SUPT3H: variants seen among roughly 807,000 people sequenced by gnomAD.
The protein encoded by SUPT3H is SPT3 homolog, SAGA and STAGA complex component, also known as transcription initiation protein SPT3 homolog.
In SUPT3H, 44 loss-of-function variants were observed where a neutral mutation model predicts 44.3. That is an observed-to-expected ratio of 0.99 (90% CI 0.78 to 1.28). SUPT3H has a LOEUF of 1.28. Among genes scored for constraint, SUPT3H ranks in the 50% most tolerant of loss-of-function variants. The pLI, the probability that SUPT3H is intolerant of heterozygous loss-of-function variation, is 0.00. For synonymous variants in SUPT3H, 124 were observed against 125.6 expected (o/e 0.99, Z 0.09); for missense variants, 380 against 387.1 (o/e 0.98, Z 0.15).
At chr6:45,297,428 T>A (rs1222585685) in intron 2 of SUPT3H, among the ~76,000 whole-genome samples, 1 of 152,206 alleles carries the variant, frequency 6.6e-6, no homozygotes, top group African/African-American at 2.4e-5. Flanking sequence ...TACTTCTAGA[T>A]AAAATAGTTG....
chr6:45,314,840 A>G (rs1335237471), intron 2 of SUPT3H, among the ~76,000 whole-genome samples: 4 of 152,200 alleles, frequency 2.6e-5, no homozygotes, highest in Admixed American at 1.3e-4. Context: ...AGCAAGGCTA[A>G]GCAAAAAGAA....
chr6:44,901,107 T>G (rs1365585661), intron 10 of SUPT3H, among the ~76,000 whole-genome samples: 1 of 151,890 alleles, frequency 6.6e-6, no homozygotes, highest in Non-Finnish European at 1.5e-5. Flanking sequence ...ACTCTAAAAA[T>G]CAGAGCACCT....
intron 2 of SUPT3H, among the ~76,000 whole-genome samples, chr6:45,228,720 C>G (rs924669238): frequency 6.6e-5 from 10 of 152,176 alleles, no homozygotes; most frequent in African/African-American, 2.2e-4. Context: ...ACAGTCTCGG[C>G]TCACTACAGC....
chr6:45,068,083 ACTGG>A (rs1793706818), intron 3 of SUPT3H, among the ~76,000 whole-genome samples: 1 of 142,794 alleles, frequency 7.0e-6, no homozygotes, highest in Admixed American at 7.1e-5. Flanking sequence ...ACAATGATAG[ACTGG>A]ATTAAGAAAA....
chr6:44,842,456 A>G (rs1302618713), intron 10 of SUPT3H, among the ~76,000 whole-genome samples: 2 of 152,134 alleles, frequency 1.3e-5, no homozygotes, highest in Non-Finnish European at 2.9e-5. Flanking sequence ...CTACAAAAAC[A>G]GGTAAGTGGT....
chr6:44,942,336 C>T (rs573317213), intron 9 of SUPT3H, among the ~76,000 whole-genome samples: 1 of 151,734 alleles, frequency 6.6e-6, no homozygotes, highest in Non-Finnish European at 1.5e-5. Flanking sequence ...GTAGACTGAT[C>T]AAAACCAGAC....
chr6:45,145,761 T>G (rs1004844675), intron 2 of SUPT3H, among the ~76,000 whole-genome samples: 6 of 152,030 alleles, frequency 3.9e-5, no homozygotes, highest in Admixed American at 2.6e-4. Context: ...TCACAAACTA[T>G]GTATCCAACA....
chr6:45,153,216 G>C (rs1431941038), intron 2 of SUPT3H, among the ~76,000 whole-genome samples: 1 of 152,122 alleles, frequency 6.6e-6, no homozygotes, highest in Admixed American at 6.6e-5. Context: ...ATAATATCAT[G>C]TATCTGTTTG....
Position 45,057,936 on chromosome 6 carries a change from A to C in SUPT3H, c.187-37304T>G, listed in dbSNP as rs188786396. On this transcript the variant is annotated intron_variant, in intron 3 of 10. Transcript: ENST00000371459. Reference sequence around the variant, plus strand: ...AAAGGCAGTTCCAGAGAGAACTAACATATCAATGTGACGGTTACTACGTGA... The same window carrying C: ...AAAGGCAGTTCCAGAGAGAACTAACCTATCAATGTGACGGTTACTACGTGA... 1.5e-3 allele frequency among the ~76,000 whole-genome samples: 232 copies of C among 152,290 alleles called. 1 individual carries two copies. The highest frequency in any genetic ancestry group is 2.5e-3 in the Non-Finnish European group (172 of 68,006).
At chr6:44,901,337 T>C (rs921529132) in intron 10 of SUPT3H, among the ~76,000 whole-genome samples, 2 of 152,040 alleles carry the variant, frequency 1.3e-5, no homozygotes, top group Non-Finnish European at 2.9e-5. Flanking sequence ...AAGGACCTGA[T>C]GGAGCTGAAA....
At chr6:45,285,431 C>T (rs1779054040) in intron 2 of SUPT3H, among the ~76,000 whole-genome samples, 1 of 152,156 alleles carries the variant, frequency 6.6e-6, no homozygotes, top group South Asian at 2.1e-4. Context: ...AAATCACAAG[C>T]ATTCTTATAC....
intron 10 of SUPT3H, among the ~76,000 whole-genome samples, chr6:44,895,254 GTTTTTTT>G (rs60637782): frequency 8.4e-6 from 1 of 119,336 alleles, no homozygotes; most frequent in Non-Finnish European, 1.8e-5. Context: ...ACTTAGTCTT[GTTTTTTT>G]TTTTTTTTTT....
chr6:44,865,914 A>G (rs1421583382), intron 10 of SUPT3H, among the ~76,000 whole-genome samples: 2 of 152,212 alleles, frequency 1.3e-5, no homozygotes, highest in Non-Finnish European at 2.9e-5. Flanking sequence ...GGGAGACCTG[A>G]GTCTGCTAAA....
At chr6:45,254,564 T>G (rs1773010264) in intron 2 of SUPT3H, among the ~76,000 whole-genome samples, 1 of 152,220 alleles carries the variant, frequency 6.6e-6, no homozygotes, top group Admixed American at 6.5e-5. Flanking sequence ...TTTATTGTTC[T>G]GATAAGGAAT....
chr6:45,244,557 G>A (rs923626759), intron 2 of SUPT3H, among the ~76,000 whole-genome samples: 3 of 152,088 alleles, frequency 2.0e-5, no homozygotes, highest in Admixed American at 6.5e-5. Flanking sequence ...AACTGGTGCT[G>A]TCCACACAAT....
At chr6:45,178,810 T>C (rs1483599901) in intron 2 of SUPT3H, among the ~76,000 whole-genome samples, 6 of 152,076 alleles carry the variant, frequency 3.9e-5, no homozygotes, top group African/African-American at 1.4e-4. Flanking sequence ...TGCTCCTGAA[T>C]GACTACTGGG....
chr6:45,018,893 T>C (rs948799212), intron 4 of SUPT3H, among the ~76,000 whole-genome samples: 2 of 152,048 alleles, frequency 1.3e-5, no homozygotes, highest in African/African-American at 4.8e-5. Context: ...CCTCTTTTTC[T>C]ATTGATTGGA....
At chr6:45,184,105 G>T (rs1813754395) in intron 2 of SUPT3H, among the ~76,000 whole-genome samples, 1 of 152,086 alleles carries the variant, frequency 6.6e-6, no homozygotes, top group South Asian at 2.1e-4. Context: ...TTAATAAGTG[G>T]GGGAAGGAGA....
Position 45,105,927 on chromosome 6 carries a change from T to C in SUPT3H, c.181A>G (p.Asn61Asp). The C allele has an allele frequency of 6.2e-7, 1 of 1,612,498 alleles. No homozygotes were observed. Among genetic ancestry groups the C allele is most frequent in the East Asian group, 2.2e-5 (1 of 44,826 alleles). Residue 61 changes from asparagine (N) to aspartate (D), a missense_variant, in exon 3 of 11, where the codon AAT (asparagine) becomes GAT (aspartate). Physicochemically the swap from Asn to Asp is conservative, Grantham distance 23. Transcript: ENST00000371459. ...VEDVVHTQLI[N>D]LLQQAAEVSQ... ...CAAATTATATATGCTCTTACCAGAT[T>C]AATTAACTGAGTGTGTACCACATCT...
Sources: allele counts gnomAD v4.1 joint callset (sites outside exome capture counted in the v4.1 genomes callset), GRCh38; gene constraint gnomAD v4.1.1; transcripts MANE v1.5; gene names NCBI Gene and HGNC (gene_info 2026-07-23, HGNC 2026-07-21).